ARHGEF28: variants seen among roughly 807,000 people sequenced by gnomAD.
ARHGEF28 encodes the protein Rho guanine nucleotide exchange factor 28.
In ARHGEF28, 152 loss-of-function variants were observed where a neutral mutation model predicts 206.6. The ratio of observed to expected loss-of-function variants is 0.74; its 90% CI spans 0.64 to 0.84. The LOEUF (loss-of-function observed/expected upper bound fraction) is 0.84, where lower values mean the gene tolerates loss of function less well. ARHGEF28 is among the 40% of genes least tolerant of loss of function. The pLI is 0.00. For synonymous variants in ARHGEF28, 763 were observed against 776.4 expected (o/e 0.98, Z 0.29); for missense variants, 2,028 against 2,073.2 (o/e 0.98, Z 0.42).
chr5:73,940,437 C>A (rs199975224), intron 35 of ARHGEF28, among the ~76,000 whole-genome samples: 1 of 152,152 alleles, frequency 6.6e-6, no homozygotes. Context: ...GTTATTTGAG[C>A]CTTGAAGTCA....
At chr5:73,681,695 A>G (rs1220071816) in intron 1 of ARHGEF28, among the ~76,000 whole-genome samples, 2 of 152,124 alleles carry the variant, frequency 1.3e-5, no homozygotes, top group Non-Finnish European at 2.9e-5. Flanking sequence ...CATGCCTGTA[A>G]TACCAGCTAT....
At chr5:73,803,271 A>T (rs1580639009) in intron 9 of ARHGEF28, 1 of 161,928 alleles carries the variant, frequency 6.2e-6, no homozygotes, top group African/African-American at 2.4e-5. Context: ...AAATTACCAG[A>T]TTAATTTTTA....
intron 4 of ARHGEF28, among the ~76,000 whole-genome samples, chr5:73,766,710 A>C (rs1208488193): frequency 1.3e-5 from 2 of 152,228 alleles, no homozygotes; most frequent in Admixed American, 6.5e-5. Flanking sequence ...AAGTTAAATA[A>C]TTAACCAAGG....
chr5:73,817,491 T>G (rs1317142239), intron 9 of ARHGEF28, among the ~76,000 whole-genome samples: 1 of 152,136 alleles, frequency 6.6e-6, no homozygotes, highest in Non-Finnish European at 1.5e-5. Context: ...GTTTTATAGG[T>G]GAAGAAACTG....
At chr5:73,630,082 C>A (rs1399045469) in intron 1 of ARHGEF28, among the ~76,000 whole-genome samples, 1 of 152,198 alleles carries the variant, frequency 6.6e-6, no homozygotes, top group Non-Finnish European at 1.5e-5. Flanking sequence ...TGCACATGAT[C>A]ATTGTGCCTT....
intron 10 of ARHGEF28, among the ~76,000 whole-genome samples, chr5:73,836,597 T>C (rs1180962363): frequency 6.6e-6 from 1 of 152,212 alleles, no homozygotes; most frequent in African/African-American, 2.4e-5. Flanking sequence ...GTAAATATCT[T>C]CTCCAATTCT....
intron 35 of ARHGEF28, among the ~76,000 whole-genome samples, chr5:73,913,046 C>G (rs1762991987): frequency 1.3e-5 from 2 of 152,150 alleles, no homozygotes; most frequent in Admixed American, 1.3e-4. Flanking sequence ...AACCATTTGG[C>G]AGCATACTTG....
At chr5:73,838,919 AGTT>A (rs34634264) in intron 10 of ARHGEF28, among the ~76,000 whole-genome samples, 4,035 of 152,274 alleles carry the variant, frequency 0.026, 189 homozygotes, top group African/African-American at 0.088. Context: ...TGTTGCATAT[AGTT>A]GTTGTGTCTC....
chr5:73,809,345 C>T (rs76318154), intron 9 of ARHGEF28, among the ~76,000 whole-genome samples: 9,269 of 152,266 alleles, frequency 0.061, 411 homozygotes, highest in African/African-American at 0.12. Context: ...TATAATCTCA[C>T]TGGATCCTCA....
At chr5:73,746,762 T>A (rs985914250) in intron 2 of ARHGEF28, among the ~76,000 whole-genome samples, 1 of 152,144 alleles carries the variant, frequency 6.6e-6, no homozygotes, top group East Asian at 1.9e-4. Context: ...TATTATAACA[T>A]AATTTCCATG....
At chr5:73,848,909 G>C in intron 12 of ARHGEF28, 67 bp from the exon 13 acceptor site, 2 of 1,122,238 alleles carry the variant, frequency 1.8e-6, no homozygotes, top group South Asian at 1.4e-5. Flanking sequence ...AGTAACATTT[G>C]AGGTGGTGAA....
At chr5:73,888,148 G>A (rs1050160549) in intron 26 of ARHGEF28, among the ~76,000 whole-genome samples, 6 of 152,120 alleles carry the variant, frequency 3.9e-5, no homozygotes, top group Non-Finnish European at 7.4e-5. Context: ...CATTGGCCCT[G>A]CTCTCCCACT....
Position 73,667,783 on chromosome 5 carries a change from T to G in ARHGEF28, c.-11-17058T>G, listed in dbSNP as rs531142514. ...GTGGCCAAAGGAATATTATGCTGCTTGAATATTATGCAGCACTTTGAATAT... is the reference window on the plus strand; with the variant it reads ...GTGGCCAAAGGAATATTATGCTGCTGGAATATTATGCAGCACTTTGAATAT... On this transcript the variant is annotated intron_variant, in intron 1 of 35. Coordinates refer to ENST00000513042, the MANE Select transcript of ARHGEF28 (RefSeq NM_001177693.2). Among the ~76,000 whole-genome samples, 27 of 152,360 alleles carry G rather than the reference T, an allele frequency of 1.8e-4. No individual in the cohort carries two copies. In the South Asian group the frequency reaches 5.6e-3, roughly 32 times the overall value.
chr5:73,711,815 G>A lies in ARHGEF28; in HGVS notation c.33+26931G>A, dbSNP rs145922559. ...TTTTATTTCTTTTATTCCTATCTTT[G>A]TGCCATTTTTTTCCATATTGAATAG... On this transcript the variant is annotated intron_variant, in intron 2 of 35. Coordinates refer to ENST00000513042, the MANE Select transcript of ARHGEF28 (RefSeq NM_001177693.2). 4.6e-3 allele frequency among the ~76,000 whole-genome samples: 694 copies of A among 150,744 alleles called. 4 individuals carry two copies. Among genetic ancestry groups the A allele is most frequent in the African/African-American group, 0.016 (657 of 41,004 alleles).
chr5:73,914,876 T>C (rs768200684), intron 35 of ARHGEF28, among the ~76,000 whole-genome samples: 1 of 152,190 alleles, frequency 6.6e-6, no homozygotes, highest in Non-Finnish European at 1.5e-5. Flanking sequence ...CCTGAGTAGA[T>C]GGGACTACAG....
chr5:73,767,395 T>C (rs1206287315), intron 4 of ARHGEF28, among the ~76,000 whole-genome samples: 1 of 152,122 alleles, frequency 6.6e-6, no homozygotes, highest in Non-Finnish European at 1.5e-5. Context: ...CCTAGAGACT[T>C]GTTGAATGGC....
chr5:73,780,973 G>A lies in ARHGEF28; in HGVS notation c.910+228G>A, dbSNP rs536943630. ...TGGAATGTCCTGAGTGCTGTTTGCC[G>A]GGACCTGGGCCAGGTCCTCTCGCAT... On this transcript the variant is annotated intron_variant, in intron 7 of 35. Coordinates refer to ENST00000513042, the MANE Select transcript of ARHGEF28 (RefSeq NM_001177693.2). 1.5e-4 allele frequency among the ~76,000 whole-genome samples: 23 copies of A among 152,272 alleles called. 1 individual carries two copies. Among genetic ancestry groups the A allele is most frequent in the South Asian group, 6.2e-4 (3 of 4,822 alleles).
At chr5:73,809,292 T>C (rs901567687) in intron 9 of ARHGEF28, among the ~76,000 whole-genome samples, 3 of 152,212 alleles carry the variant, frequency 2.0e-5, no homozygotes, top group African/African-American at 7.2e-5. Flanking sequence ...CATTCAACAT[T>C]TAAAGCTTGT....
At chr5:73,740,477 C>G (rs1287929622) in intron 2 of ARHGEF28, among the ~76,000 whole-genome samples, 1 of 152,178 alleles carries the variant, frequency 6.6e-6, no homozygotes, top group Non-Finnish European at 1.5e-5. Flanking sequence ...ATGTCTGATG[C>G]TTAGAGGGCT....
Sources: gnomAD v4.1 joint callset for allele counts (sites outside exome capture counted in the v4.1 genomes callset) on GRCh38, gnomAD v4.1.1 for gene constraint, MANE v1.5 for transcripts, NCBI Gene and HGNC (gene_info 2026-07-23, HGNC 2026-07-21) for gene names.